The following IL1R1 variants were observed in gnomAD, a reference collection of about 807,000 sequenced individuals.
The protein encoded by IL1R1 is interleukin-1 receptor type 1.
IL1R1 carries 22 observed loss-of-function variants against 50.2 expected under a neutral mutation model. That is an observed-to-expected ratio of 0.44 (90% CI 0.31 to 0.63). The LOEUF is 0.63. Ranked by LOEUF, IL1R1 falls within the 20% of genes least tolerant of loss-of-function variation. The pLI is 0.07. For synonymous variants in IL1R1, 251 were observed against 236.7 expected (o/e 1.06, Z -0.55); for missense variants, 509 against 676.2 (o/e 0.75, Z 2.74).
At chr2:102,105,510 G>A (rs1356787300) in intron 1 of IL1R1, among the ~76,000 whole-genome samples, 5 of 152,014 alleles carry the variant, frequency 3.3e-5, no homozygotes, top group East Asian at 1.9e-4. Context: ...GACTATAGGC[G>A]CCTGCCACCA....
At chr2:102,083,456 A>C (rs1679304320) in intron 1 of IL1R1, among the ~76,000 whole-genome samples, 1 of 152,004 alleles carries the variant, frequency 6.6e-6, no homozygotes, top group Non-Finnish European at 1.5e-5. Flanking sequence ...GTTCTCTTTC[A>C]TGAAGTAGCT....
intron 1 of IL1R1, among the ~76,000 whole-genome samples, chr2:102,124,089 G>A (rs1412953815): frequency 1.3e-5 from 2 of 152,078 alleles, no homozygotes; most frequent in Non-Finnish European, 2.9e-5. Context: ...GAGCTGGCAG[G>A]GTGGACACCT....
chr2:102,095,608 C>T (rs1679863230), intron 1 of IL1R1, among the ~76,000 whole-genome samples: 1 of 152,202 alleles, frequency 6.6e-6, no homozygotes, highest in Admixed American at 6.5e-5. Context: ...TCTCTTTCTA[C>T]CTCCCTGCTT....
Position 102,176,776 on chromosome 2 carries a change from A to G in IL1R1, c.*17A>G. The stretch of plus-strand genomic sequence containing the variant: ...CTCGGGTAGCATGGAGAAGTTGCCA[A>G]GAGTTCTTTAGGTGCCTCCTGTCTT... On this transcript the variant is annotated 3_prime_UTR_variant, in exon 12 of 12. Transcript: ENST00000410023. The G allele has an allele frequency of 2.5e-6, 4 of 1,609,880 alleles. No homozygotes were observed. The highest frequency in any genetic ancestry group is 1.1e-5 in the South Asian group (1 of 90,778).
chr2:102,092,778 G>T (rs1679730474), intron 1 of IL1R1, among the ~76,000 whole-genome samples: 1 of 152,160 alleles, frequency 6.6e-6, no homozygotes. Context: ...GAGAAGAAAG[G>T]ATGGGGGTGG....
chr2:102,152,459 C>T (rs36214784), intron 1 of IL1R1, among the ~76,000 whole-genome samples: 2,442 of 133,566 alleles, frequency 0.018, 31 homozygotes, highest in East Asian at 0.052. Context: ...GAGCCTAGAT[C>T]GCACCACTGC....
At chr2:102,076,178 TTC>T (rs1361555727) in intron 1 of IL1R1, among the ~76,000 whole-genome samples, 2 of 71,650 alleles carry the variant, frequency 2.8e-5, no homozygotes, top group Non-Finnish European at 4.9e-5. Context: ...TTGCTTCGTA[TTC>T]TTTTTTTTTT....
At chr2:102,129,696 C>G (rs1273251184) in intron 1 of IL1R1, among the ~76,000 whole-genome samples, 2 of 152,198 alleles carry the variant, frequency 1.3e-5, no homozygotes, top group Non-Finnish European at 2.9e-5. Context: ...CTCTTCTGAC[C>G]TCTTGGCCTG....
chr2:102,108,655 G>A (rs894805886), intron 1 of IL1R1, among the ~76,000 whole-genome samples: 2 of 152,042 alleles, frequency 1.3e-5, no homozygotes, highest in African/African-American at 4.8e-5. Flanking sequence ...AAACCTAAAT[G>A]GAGCTTTTCT....
chr2:102,102,863 C>T (rs187084627), upstream of IL1R1, among the ~76,000 whole-genome samples: 5 of 152,242 alleles, frequency 3.3e-5, no homozygotes, highest in East Asian at 9.7e-4. Context: ...ATGGATACAA[C>T]TGGAGGCCAT....
chr2:102,147,469 C>T (rs945134628), intron 1 of IL1R1, among the ~76,000 whole-genome samples: 6 of 152,026 alleles, frequency 3.9e-5, no homozygotes, highest in Non-Finnish European at 8.8e-5. Context: ...GCATCGTAGA[C>T]CCTGGTGGCT....
intron 1 of IL1R1, among the ~76,000 whole-genome samples, chr2:102,131,593 T>C (rs965303810): frequency 2.0e-5 from 3 of 151,764 alleles, no homozygotes; most frequent in Non-Finnish European, 4.4e-5. Context: ...AATAGCAGAT[T>C]AGATATTGCA....
intron 1 of IL1R1, among the ~76,000 whole-genome samples, chr2:102,135,830 G>C (rs370060458): frequency 6.6e-6 from 1 of 152,164 alleles, no homozygotes; most frequent in Non-Finnish European, 1.5e-5. Flanking sequence ...TGTGGGTATT[G>C]AGCTCTTGAA....
intron 1 of IL1R1, among the ~76,000 whole-genome samples, chr2:102,121,097 G>A (rs1212545228): frequency 6.6e-6 from 1 of 152,150 alleles, no homozygotes; most frequent in African/African-American, 2.4e-5. Context: ...GCCCCCGGGA[G>A]ATGGCTCATC....
chr2:102,124,751 C>T (rs902615714), intron 1 of IL1R1, among the ~76,000 whole-genome samples: 31 of 151,900 alleles, frequency 2.0e-4, no homozygotes, highest in Admixed American at 2.0e-3. Flanking sequence ...AACCCTGTCT[C>T]TATTAAATAC....
chr2:102,072,320 G>A (rs188374385), intron 1 of IL1R1, among the ~76,000 whole-genome samples: 2 of 152,056 alleles, frequency 1.3e-5, no homozygotes, highest in African/African-American at 4.8e-5. Flanking sequence ...GTTTACTTGG[G>A]CAATTATCTG....
chr2:102,085,681 C>A (rs1016645110), intron 1 of IL1R1, among the ~76,000 whole-genome samples: 7 of 151,806 alleles, frequency 4.6e-5, no homozygotes, highest in Non-Finnish European at 8.8e-5. Flanking sequence ...ATTGCCATAG[C>A]TATTATTTGC....
At chr2:102,151,076 G>A (rs960218671) in intron 1 of IL1R1, among the ~76,000 whole-genome samples, 1 of 152,150 alleles carries the variant, frequency 6.6e-6, no homozygotes, top group Non-Finnish European at 1.5e-5. Flanking sequence ...AATTACAATG[G>A]ACTTTGATTA....
chr2:102,154,872 G>C (rs1291466016), intron 2 of IL1R1, among the ~76,000 whole-genome samples: 1 of 152,130 alleles, frequency 6.6e-6, no homozygotes, highest in Non-Finnish European at 1.5e-5. Context: ...CCCACCTCTG[G>C]TTTATGCTCC....
Sources: allele counts gnomAD v4.1 joint callset (sites outside exome capture counted in the v4.1 genomes callset), GRCh38; gene constraint gnomAD v4.1.1; transcripts MANE v1.5; gene names NCBI Gene and HGNC (gene_info 2026-07-23, HGNC 2026-07-21).